The following NRIP1 variants were observed in gnomAD, a reference collection of about 807,000 sequenced individuals.
The protein encoded by NRIP1 is nuclear receptor interacting protein 1.
A neutral mutation model predicts 75.0 loss-of-function variants in NRIP1; 28 were observed. That is an observed-to-expected ratio of 0.37 (90% CI 0.28 to 0.51). NRIP1 has a LOEUF of 0.51. Ranked by LOEUF, NRIP1 falls within the 20% of genes least tolerant of loss-of-function variation. NRIP1 has a pLI of 0.92. For missense variants in NRIP1, 1,435 were observed against 1,343.7 expected, an observed-to-expected ratio of 1.07 and a Z score of -1.06; for synonymous variants, 526 against 487.6, an observed-to-expected ratio of 1.08 and a Z score of -1.04.
rs966878735 is a variant in NRIP1, at chr21:15,041,188, C to T, written c.-458+2307G>A. ...AGGGGGAAAAAACAAATAACATACA[C>T]AACATGGATGACTCTTACAGACATA... is the stretch of plus-strand genomic sequence containing the variant. On this transcript the variant is annotated intron_variant, in intron 2 of 3. Coordinates refer to ENST00000318948, the MANE Select transcript of NRIP1 (RefSeq NM_003489.4). 5.3e-5 allele frequency among the ~76,000 whole-genome samples: 8 copies of T among 152,066 alleles called. 1 individual carries two copies. Among genetic ancestry groups the T allele is most frequent in the African/African-American group, 1.4e-4 (6 of 41,424 alleles).
At position 14,965,022 on chromosome 21, in the gene NRIP1, G is replaced by C; in HGVS notation, c.3171C>G (p.Asp1057Glu). The change falls in exon 4 of 4, where the codon GAC becomes GAG. Residue 1057 changes from aspartate to glutamate, a missense_variant. Transcript: ENST00000318948. ...TDAEKNEYEK[D>E]SPRLTKTNPI... is the part of the protein sequence containing the mutation. ...GGTTGGTTTTGGTCAATCTTGGAGA[G>C]TCTTTTTCATACTCATTCTTCTCCG... 6.2e-7 allele frequency: 1 copy of C among 1,613,956 alleles called. No homozygotes were observed. The highest frequency in any genetic ancestry group is 8.5e-7 in the Non-Finnish European group (1 of 1,179,924).
chr21:15,020,795 T>C (rs962826910), intron 2 of NRIP1, among the ~76,000 whole-genome samples: 17 of 151,946 alleles, frequency 1.1e-4, no homozygotes, highest in African/African-American at 4.1e-4. Flanking sequence ...CATAAAAAGA[T>C]GCTCATTGTC....
In NRIP1 at chr21:15,057,985, A is replaced by G. The variant is rs150545456; in HGVS notation, c.-538+6760T>C. 1.8e-4 allele frequency among the ~76,000 whole-genome samples: 28 copies of G among 152,306 alleles called. No individual in the cohort carries two copies. In the East Asian group the frequency reaches 5.4e-3, roughly 29 times the overall value. On this transcript the variant is annotated intron_variant, in intron 1 of 3. Coordinates refer to ENST00000318948, the MANE Select transcript of NRIP1 (RefSeq NM_003489.4). ...TAACTAAACAACTTCTTAATATTCC[A>G]AGTTTCTACCCAATCATCTCTTCTT...
chr21:15,053,527 A>G (rs2147379842), intron 1 of NRIP1, among the ~76,000 whole-genome samples: 1 of 152,320 alleles, frequency 6.6e-6, no homozygotes, highest in African/African-American at 2.4e-5. Context: ...GAGGAATCCA[A>G]CAGTGGGAAA....
At chr21:15,046,496 T>C (rs920104344) in intron 1 of NRIP1, among the ~76,000 whole-genome samples, 5 of 152,248 alleles carry the variant, frequency 3.3e-5, no homozygotes, top group Admixed American at 6.5e-5. Context: ...CTTCCATTTA[T>C]ACAGCATAGG....
intron 2 of NRIP1, among the ~76,000 whole-genome samples, chr21:15,037,394 C>T (rs1475935301): frequency 2.0e-5 from 3 of 152,166 alleles, no homozygotes; most frequent in African/African-American, 4.8e-5. Context: ...TTGTGTTTCA[C>T]CAATACTTTG....
chr21:15,000,158 T>G (rs959851430), intron 3 of NRIP1, among the ~76,000 whole-genome samples: 3 of 152,152 alleles, frequency 2.0e-5, no homozygotes, highest in Non-Finnish European at 2.9e-5. Context: ...TGGAAAACAA[T>G]TCCATAAACA....
chr21:14,970,007 C>T (rs116406128), intron 3 of NRIP1, among the ~76,000 whole-genome samples: 1,894 of 152,294 alleles, frequency 0.012, 33 homozygotes, highest in African/African-American at 0.042. Flanking sequence ...GTTATCATGA[C>T]TGCCACCAAA....
intron 2 of NRIP1, among the ~76,000 whole-genome samples, chr21:15,031,640 C>G (rs1424760265): frequency 5.5e-5 from 4 of 72,260 alleles, no homozygotes; most frequent in East Asian, 1.1e-3. Flanking sequence ...CTGGAAGGCG[C>G]TCGGAGGATC....
chr21:15,061,501 A>G (rs2089422671), intron 1 of NRIP1, among the ~76,000 whole-genome samples: 1 of 152,156 alleles, frequency 6.6e-6, no homozygotes, highest in Non-Finnish European at 1.5e-5. Context: ...GGGAAATGGT[A>G]GGGAAGGGAC....
At chr21:15,001,425 G>C (rs913453647) in intron 3 of NRIP1, among the ~76,000 whole-genome samples, 1 of 152,110 alleles carries the variant, frequency 6.6e-6, no homozygotes, top group African/African-American at 2.4e-5. Flanking sequence ...GCCTAAAAAT[G>C]CCCAGGAGTC....
At chr21:15,043,458 AT>A (rs779878891) in intron 2 of NRIP1, 36 bp downstream of exon 2, 4 of 152,194 alleles carry the variant, frequency 2.6e-5, no homozygotes, top group Non-Finnish European at 5.9e-5. Context: ...GCTTGATAAC[AT>A]TTTTAAAAGT....
chr21:14,999,367 CTACTGAGTCCACATCCATAGGGA>C (rs1400208375), intron 3 of NRIP1, among the ~76,000 whole-genome samples: 9 of 152,218 alleles, frequency 5.9e-5, no homozygotes, highest in Non-Finnish European at 1.0e-4. Flanking sequence ...GCATGGAAGT[CTACTGAGTCCACATCCATAGGGA>C]GCAATTGAAA....
chr21:15,059,482 A>AT (rs918948173), intron 1 of NRIP1, among the ~76,000 whole-genome samples: 41 of 150,458 alleles, frequency 2.7e-4, no homozygotes, highest in African/African-American at 5.1e-4. Flanking sequence ...TACTATTATT[A>AT]TTTTTTTTTG....
intron 3 of NRIP1, among the ~76,000 whole-genome samples, chr21:14,994,630 CATT>C (rs1373244794): frequency 6.6e-6 from 1 of 152,082 alleles, no homozygotes; most frequent in Non-Finnish European, 1.5e-5. Flanking sequence ...CAGTGAAAAA[CATT>C]GTTGTCAACT....
rs566876894 is a variant in NRIP1 at position 14,963,914 on chromosome 21, C to G, written c.*802G>C. Reference sequence around the variant, plus strand: ...TGTTAAAAACAATTTCTTAAATATTCAACTTTTCAGGAAACCACCTAAAGA... The same window carrying G: ...TGTTAAAAACAATTTCTTAAATATTGAACTTTTCAGGAAACCACCTAAAGA... On this transcript the variant is annotated 3_prime_UTR_variant, in exon 4 of 4. Transcript: ENST00000318948. The G allele has an allele frequency of 7.9e-5, 12 of 152,582 alleles. No homozygotes were observed. The highest frequency in any genetic ancestry group is 2.6e-4 in the African/African-American group (11 of 41,510). The allele number at this position is 152,582 out of a possible 1,614,324, so 9.5% of individuals were successfully genotyped here. A position where few individuals can be genotyped will look rare whatever the true frequency, so the allele number is the denominator to read the frequency against.
At position 14,964,753 on chromosome 21, in the gene NRIP1, A is replaced by G; in HGVS notation, c.3440T>C (p.Leu1147Pro). ...HSANGEVYGL[L>P]GSVLTIKKES... Reference sequence around the variant, plus strand: ...TTTCTTTATCGTTAGCACGCTTCCCAGAAGTCCATAAACTTCTCCATTTGC... The same window carrying G: ...TTTCTTTATCGTTAGCACGCTTCCCGGAAGTCCATAAACTTCTCCATTTGC... The change falls in exon 4 of 4, where the codon CTG (leucine) becomes CCG (proline). Residue 1147 changes from leucine (L) to proline (P), a missense_variant. Leu to Pro is a moderately conservative substitution (Grantham distance 98). Coordinates refer to ENST00000318948, the MANE Select transcript of NRIP1 (RefSeq NM_003489.4). 6.4e-7 allele frequency: 1 copy of G among 1,574,074 alleles called. No individual in the cohort carries two copies. Among genetic ancestry groups the G allele is most frequent in the South Asian group, 1.2e-5 (1 of 83,596 alleles).
intron 3 of NRIP1, among the ~76,000 whole-genome samples, chr21:15,001,521 A>G (rs1281610558): frequency 1.3e-5 from 2 of 152,206 alleles, no homozygotes; most frequent in Non-Finnish European, 2.9e-5. Flanking sequence ...AATAACCCAA[A>G]TTGTACACTA....
chr21:14,977,820 C>G (rs1160079249), intron 3 of NRIP1, among the ~76,000 whole-genome samples: 1 of 152,120 alleles, frequency 6.6e-6, no homozygotes, highest in Admixed American at 6.5e-5. Flanking sequence ...TGTGGTCATA[C>G]AATTTAACAG....
Sources: allele counts gnomAD v4.1 joint callset (sites outside exome capture counted in the v4.1 genomes callset), GRCh38; gene constraint gnomAD v4.1.1; transcripts MANE v1.5; gene names NCBI Gene and HGNC (gene_info 2026-07-23, HGNC 2026-07-21).